ENTREP2: variants seen among roughly 807,000 people sequenced by gnomAD.
The protein encoded by ENTREP2 is protein ENTREP2.
the ENTREP2 span, among the ~76,000 whole-genome samples, chr15:29,555,945 A>C: frequency 1.3e-5 from 2 of 152,224 alleles, no homozygotes; most frequent in Non-Finnish European, 2.9e-5. Flanking sequence ...TGGGTAGGAC[A>C]GCTTCTTCCC....
At chr15:29,306,785 A>G in the ENTREP2 span, among the ~76,000 whole-genome samples, 2 of 141,636 alleles carry the variant, frequency 1.4e-5, no homozygotes, top group Non-Finnish European at 3.0e-5. Flanking sequence ...TGGCGTGATT[A>G]CCCAGGCTGG....
At chr15:29,456,381 G>T in the ENTREP2 span, among the ~76,000 whole-genome samples, 1 of 152,356 alleles carries the variant, frequency 6.6e-6, no homozygotes, top group South Asian at 2.1e-4. Context: ...TGGGGCAGGT[G>T]CAGGAGGAGA....
the ENTREP2 span, among the ~76,000 whole-genome samples, chr15:29,385,758 T>G: frequency 5.9e-5 from 9 of 152,142 alleles, no homozygotes; most frequent in Admixed American, 5.9e-4. Context: ...CCTGTGCCCA[T>G]GGACCTAAGT....
the ENTREP2 span, among the ~76,000 whole-genome samples, chr15:29,304,498 C>T: frequency 6.6e-6 from 1 of 152,186 alleles, no homozygotes; most frequent in South Asian, 2.1e-4. Context: ...TCACTCAAAA[C>T]CATACGACTA....
the ENTREP2 span, among the ~76,000 whole-genome samples, chr15:29,455,368 T>C: frequency 1.3e-5 from 2 of 152,182 alleles, no homozygotes; most frequent in Admixed American, 1.3e-4. Flanking sequence ...ACTGAGTAAG[T>C]AGTTGCTGGT....
At chr15:29,269,661 G>C in the ENTREP2 span, 19 of 1,563,890 alleles carry the variant, frequency 1.2e-5, no homozygotes, top group African/African-American at 2.6e-4. Flanking sequence ...TGTCCCTCTC[G>C]GCCTGGCCGC....
At chr15:29,135,703 C>T in the ENTREP2 span, among the ~76,000 whole-genome samples, 2 of 152,232 alleles carry the variant, frequency 1.3e-5, no homozygotes, top group Non-Finnish European at 2.9e-5. The surrounding 1 kb of genome is among the most constrained non-coding windows in gnomAD (Gnocchi z 7.4). Context: ...GAACATACTG[C>T]CTGTCACGTG....
chr15:29,361,844 A>G, the ENTREP2 span, among the ~76,000 whole-genome samples: 1 of 152,224 alleles, frequency 6.6e-6, no homozygotes, highest in African/African-American at 2.4e-5. Context: ...CATGTAACAA[A>G]GCCTCCATTA....
the ENTREP2 span, among the ~76,000 whole-genome samples, chr15:29,495,953 A>G: frequency 6.6e-6 from 1 of 152,070 alleles, no homozygotes; most frequent in Admixed American, 6.6e-5. Flanking sequence ...AAAAATGCCA[A>G]TGAAATTTTG....
At chr15:29,247,985 C>T in the ENTREP2 span, among the ~76,000 whole-genome samples, 506 of 152,306 alleles carry the variant, frequency 3.3e-3, 2 homozygotes, top group African/African-American at 0.012. Context: ...TCCTTAGAAC[C>T]AGCCAGTTTT....
chr15:29,217,453 T>A, the ENTREP2 span, among the ~76,000 whole-genome samples: 1 of 152,112 alleles, frequency 6.6e-6, no homozygotes. Flanking sequence ...TCGTTCATAT[T>A]TTTTCTTTTT....
At chr15:29,200,790 G>A in the ENTREP2 span, among the ~76,000 whole-genome samples, 1 of 152,096 alleles carries the variant, frequency 6.6e-6, no homozygotes, top group African/African-American at 2.4e-5. Flanking sequence ...TTGGACTCCT[G>A]ACCTCAGGTG....
chr15:29,571,412 G>A, the ENTREP2 span, among the ~76,000 whole-genome samples: 3 of 152,110 alleles, frequency 2.0e-5, no homozygotes, highest in African/African-American at 7.2e-5. Context: ...GCAGACAGGA[G>A]GGAAATTCCG....
the ENTREP2 span, chr15:29,118,291 A>G: frequency 5.2e-5 from 8 of 152,472 alleles, no homozygotes; most frequent in African/African-American, 1.4e-4. Flanking sequence ...GCATATCACT[A>G]ATAAACCTGA....
the ENTREP2 span, among the ~76,000 whole-genome samples, chr15:29,430,310 C>T: frequency 6.6e-6 from 1 of 152,134 alleles, no homozygotes; most frequent in Non-Finnish European, 1.5e-5. Flanking sequence ...CTCTCGATGG[C>T]CTTGCAGTTT....
the ENTREP2 span, among the ~76,000 whole-genome samples, chr15:29,674,128 TGGGG>T: frequency 4.8e-3 from 221 of 46,148 alleles, 16 homozygotes; most frequent in African/African-American, 0.012. Flanking sequence ...CTGCAGAGGA[TGGGG>T]GGGGGGGGGG....
At chr15:29,446,182 G>A in the ENTREP2 span, among the ~76,000 whole-genome samples, 1 of 152,160 alleles carries the variant, frequency 6.6e-6, no homozygotes, top group Non-Finnish European at 1.5e-5. Context: ...CTTGATCTTG[G>A]ACTTCTGGCT....
chr15:29,176,670 T>TG, the ENTREP2 span, among the ~76,000 whole-genome samples: 1 of 152,206 alleles, frequency 6.6e-6, no homozygotes, highest in Non-Finnish European at 1.5e-5. Flanking sequence ...CAGACCCTGT[T>TG]GGACGGGGCA....
At chr15:29,548,451 C>T in the ENTREP2 span, among the ~76,000 whole-genome samples, 61,520 of 142,452 alleles carry the variant, frequency 0.43, 14,231 homozygotes, top group African/African-American at 0.61. Flanking sequence ...CGAGATTCTG[C>T]CTAAAAAAAA....
Sources: allele counts gnomAD v4.1 joint callset (sites outside exome capture counted in the v4.1 genomes callset), GRCh38; gene constraint gnomAD v4.1.1; non-coding constraint Gnocchi (gnomAD v3.1); transcripts MANE v1.5; gene names NCBI Gene and HGNC (gene_info 2026-07-23, HGNC 2026-07-21).